LCORL: variants seen among roughly 807,000 people sequenced by gnomAD.
LCORL encodes the protein ligand dependent nuclear receptor corepressor like, also known as ligand-dependent nuclear receptor corepressor-like protein.
A neutral mutation model predicts 141.8 loss-of-function variants in LCORL; 41 were observed. The observed-to-expected ratio is 0.29, with a 90% CI of 0.23 to 0.38. The LOEUF is 0.38. Among genes scored for constraint, LCORL ranks in the 10% least tolerant of loss-of-function variants. The probability of loss-of-function intolerance (pLI) is 1.00; values close to 1 mark genes in which losing one functional copy is unlikely to be tolerated. For synonymous variants in LCORL, 618 were observed against 694.1 expected (o/e 0.89, Z 1.72); for missense variants, 1,759 against 2,035.0 (o/e 0.86, Z 2.61).
intron 7 of LCORL, among the ~76,000 whole-genome samples, chr4:17,848,696 T>C (rs780974214): frequency 9.9e-5 from 15 of 152,272 alleles, no homozygotes; most frequent in Middle Eastern, 3.4e-3. Context: ...GCGGGTGCAG[T>C]GCACCGTGTG....
chr4:17,853,411 T>G (rs1724002083), intron 7 of LCORL, among the ~76,000 whole-genome samples: 1 of 152,146 alleles, frequency 6.6e-6, no homozygotes, highest in Non-Finnish European at 1.5e-5. Context: ...ACTAAATAAG[T>G]AGCAGCTACT....
At position 17,884,376 on chromosome 4, in the gene LCORL, G is replaced by A. The variant is rs1728010344; in HGVS notation, c.776+1692C>T. 6.5e-7 allele frequency: 1 copy of A among 1,547,410 alleles called. No individual in the cohort carries two copies. Among genetic ancestry groups the A allele is most frequent in the Non-Finnish European group, 8.7e-7 (1 of 1,145,540 alleles). Reference sequence around the variant, plus strand: ...TGAGTGACCATTTTCTGTAGAGTTAGCTGATGGAGGTAAGTGGAAGCTGTT... The same window carrying A: ...TGAGTGACCATTTTCTGTAGAGTTAACTGATGGAGGTAAGTGGAAGCTGTT... On this transcript the variant is annotated intron_variant, in intron 6 of 7. Coordinates refer to ENST00000635767, the Ensembl canonical transcript of LCORL. This position sits in a 1 kb window ranked among gnomAD's most constrained non-coding sequence, Gnocchi z 4.4.
At chr4:17,853,867 GTACT>G (rs571712852) in intron 7 of LCORL, among the ~76,000 whole-genome samples, 120 of 151,234 alleles carry the variant, frequency 7.9e-4, no homozygotes, top group Non-Finnish European at 1.6e-3. Context: ...CCCTCAAGCA[GTACT>G]TACTTAACAT....
chr4:18,002,137 G>GT (rs1341494072), intron 1 of LCORL, among the ~76,000 whole-genome samples: 3 of 152,150 alleles, frequency 2.0e-5, no homozygotes, highest in African/African-American at 4.8e-5. Context: ...CAACAACCAA[G>GT]TAAGATGAAT....
chr4:17,914,162 T>C (rs1733013345), intron 4 of LCORL, among the ~76,000 whole-genome samples: 1 of 152,232 alleles, frequency 6.6e-6, no homozygotes, highest in East Asian at 1.9e-4. Flanking sequence ...TTCAAAGATA[T>C]ACCATTGCTT....
At chr4:17,939,917 T>TA (rs1004509045) in intron 4 of LCORL, among the ~76,000 whole-genome samples, 3 of 150,130 alleles carry the variant, frequency 2.0e-5, no homozygotes, top group African/African-American at 7.4e-5. Context: ...TACATATATG[T>TA]ACCTACATAT....
chr4:17,844,421 T>A (rs940951519), exon 8 of LCORL: 22 of 152,560 alleles, frequency 1.4e-4, no homozygotes, highest in African/African-American at 5.1e-4. Context: ...AGAGGCCATT[T>A]ACTTAAGGTG....
chr4:17,928,850 C>G lies in LCORL; in HGVS notation c.431-19505G>C, dbSNP rs577996624. 1.2e-4 allele frequency among the ~76,000 whole-genome samples: 19 copies of G among 152,076 alleles called. No homozygotes were observed. The South Asian group carries it at 4.0e-3, about 32-fold the overall frequency. On this transcript the variant is annotated intron_variant, in intron 4 of 7. Transcript: ENST00000635767. ...GATATATAAATTTAATTTAGATTAC[C>G]ATTGTATAATCTTGTATATTTGCAT... is the stretch of plus-strand genomic sequence containing the variant.
intron 4 of LCORL, among the ~76,000 whole-genome samples, chr4:17,947,577 G>C (rs1739083333): frequency 6.6e-6 from 1 of 151,910 alleles, no homozygotes; most frequent in African/African-American, 2.4e-5. Context: ...CACAAAAAAT[G>C]TTAGGTATTT....
rs372528789 is a variant in LCORL, at chr4:17,884,038, A to G, written c.776+2030T>C. ...CATCTTCAGTATTTTCAGAGGTTCC[A>G]TCAACTGTTCCATTTTTAGAATTAA... On this transcript the variant is annotated intron_variant, in intron 6 of 7. Transcript: ENST00000635767. This position sits in a 1 kb window ranked among gnomAD's most constrained non-coding sequence, Gnocchi z 4.4. 1.7e-4 allele frequency: 266 copies of G among 1,550,762 alleles called. No individual in the cohort carries two copies. The highest frequency in any genetic ancestry group is 2.1e-4 in the Non-Finnish European group (241 of 1,146,384).
At chr4:17,883,633 G>T (rs1727872912) in intron 6 of LCORL, 1 of 1,428,750 alleles carries the variant, frequency 7.0e-7, no homozygotes, top group South Asian at 1.6e-5. Flanking sequence ...TGTGTATATA[G>T]ACACACAAAT....
chr4:17,973,312 T>C lies in LCORL; in HGVS notation c.155-427A>G, dbSNP rs532793033. On this transcript the variant is annotated intron_variant, in intron 1 of 7. Transcript: ENST00000635767. ...ACAAGAATGAGTAAATGAGGGTCAATAGGGAGAAATCTTTCTGTTAAACAT... is the reference window on the plus strand; with the variant it reads ...ACAAGAATGAGTAAATGAGGGTCAACAGGGAGAAATCTTTCTGTTAAACAT... Among the ~76,000 whole-genome samples, 450 of 151,904 alleles carry C rather than the reference T, an allele frequency of 3.0e-3. 3 individuals are homozygous for C. Among genetic ancestry groups the C allele is most frequent in the South Asian group, 4.6e-3 (22 of 4,824 alleles).
chr4:17,952,814 A>G (rs1302909007), intron 4 of LCORL, among the ~76,000 whole-genome samples: 2 of 152,118 alleles, frequency 1.3e-5, no homozygotes, highest in Non-Finnish European at 2.9e-5. Flanking sequence ...TGCACAGACC[A>G]TTTCAACACT....
chr4:17,858,416 A>C (rs1006232602), intron 7 of LCORL, among the ~76,000 whole-genome samples: 4 of 151,824 alleles, frequency 2.6e-5, no homozygotes, highest in Non-Finnish European at 4.4e-5. Flanking sequence ...GAGAGAGGAG[A>C]GGGACAGAAA....
chr4:17,993,417 C>G (rs1221469211), intron 1 of LCORL, among the ~76,000 whole-genome samples: 1 of 151,968 alleles, frequency 6.6e-6, no homozygotes, highest in Non-Finnish European at 1.5e-5. Context: ...GTTGGCCAGG[C>G]TGGTCTTGAA....
At chr4:17,925,540 G>A (rs956755669) in intron 4 of LCORL, among the ~76,000 whole-genome samples, 1 of 152,082 alleles carries the variant, frequency 6.6e-6, no homozygotes, top group Admixed American at 6.5e-5. Context: ...TTGCAGAAAT[G>A]AGGACTTTGT....
chr4:17,850,579 T>C (rs1188204802), intron 7 of LCORL, among the ~76,000 whole-genome samples: 1 of 152,172 alleles, frequency 6.6e-6, no homozygotes, highest in Non-Finnish European at 1.5e-5. Flanking sequence ...CAGAATAAGA[T>C]ACCATCTCAC....
chr4:17,857,265 G>T (rs1350173508), intron 7 of LCORL, among the ~76,000 whole-genome samples: 1 of 151,950 alleles, frequency 6.6e-6, no homozygotes, highest in Non-Finnish European at 1.5e-5. Context: ...GAGACATGGG[G>T]GTGGGGGGAG....
intron 4 of LCORL, among the ~76,000 whole-genome samples, chr4:17,945,872 C>T (rs1738794855): frequency 2.6e-5 from 4 of 151,300 alleles, no homozygotes; most frequent in Admixed American, 2.6e-4. Flanking sequence ...TACCTAACAG[C>T]CTGCTGTTTT....
Sources: allele counts gnomAD v4.1 joint callset (sites outside exome capture counted in the v4.1 genomes callset), GRCh38; gene constraint gnomAD v4.1.1; non-coding constraint Gnocchi (gnomAD v3.1); transcripts MANE v1.5; gene names NCBI Gene and HGNC (gene_info 2026-07-23, HGNC 2026-07-21).